NUP210L: variants seen among roughly 807,000 people sequenced by gnomAD.
NUP210L encodes the protein nuclear pore membrane glycoprotein 210-like.
Under a neutral mutation model 208.5 loss-of-function variants are expected in NUP210L, and 74 were observed. That is an observed-to-expected ratio of 0.35 (90% confidence interval 0.29 to 0.43). The LOEUF is 0.43. Ranked by LOEUF, NUP210L falls within the 20% of genes least tolerant of loss-of-function variation. The probability of loss-of-function intolerance (pLI) is 1.00; values close to 1 mark genes in which losing one functional copy is unlikely to be tolerated. For missense variants in NUP210L, 1,843 were observed against 2,289.4 expected, an observed-to-expected ratio of 0.81 and a Z score of 3.98; for synonymous variants, 780 against 816.9, an observed-to-expected ratio of 0.95 and a Z score of 0.77.
intron 27 of NUP210L, among the ~76,000 whole-genome samples, chr1:154,045,516 G>T (rs6670019): frequency 0.23 from 35,715 of 152,002 alleles, 5,178 homozygotes; most frequent in Admixed American, 0.36. Flanking sequence ...GATCACTTTT[G>T]AGAGCTCTTT....
intron 16 of NUP210L, among the ~76,000 whole-genome samples, chr1:154,087,355 G>C (rs1017835139): frequency 1.4e-5 from 2 of 145,114 alleles, no homozygotes; most frequent in Non-Finnish European, 3.0e-5. Flanking sequence ...AACATAATTA[G>C]ACAGTGGAAA....
In NUP210L at chr1:154,086,245, A is replaced by AAAAAC. The variant is rs1162414411; in HGVS notation, c.2361+3171_2361+3175dup. ...AAAAGAAAGAAAGAAAAGAAAAGAA[A>AAAAAC]AAAACAAAACAAAACCAAAACACAA... On this transcript the variant is annotated intron_variant, in intron 16 of 39. Transcript: ENST00000368559. 1.1e-3 allele frequency among the ~76,000 whole-genome samples: 160 copies of AAAAAC among 151,974 alleles called. 1 individual carries two copies. The highest frequency in any genetic ancestry group is 3.7e-3 in the African/African-American group (154 of 41,492).
At chr1:154,148,191 C>T (rs1315358481) in intron 2 of NUP210L, among the ~76,000 whole-genome samples, 2 of 151,358 alleles carry the variant, frequency 1.3e-5, no homozygotes, top group Admixed American at 6.6e-5. Flanking sequence ...CGCTTGAACC[C>T]GGGAGACGGA....
At chr1:154,088,660 T>C (rs1368943940) in intron 16 of NUP210L, among the ~76,000 whole-genome samples, 3 of 152,206 alleles carry the variant, frequency 2.0e-5, no homozygotes, top group Admixed American at 2.0e-4. Flanking sequence ...AAAGGCAGTA[T>C]GGCATAAATA....
intron 27 of NUP210L, among the ~76,000 whole-genome samples, chr1:154,042,465 C>T (rs1195791125): frequency 2.0e-5 from 3 of 149,258 alleles, no homozygotes; most frequent in Admixed American, 6.7e-5. Flanking sequence ...CTTGCTCTGT[C>T]GCCCAGGCTG....
At chr1:154,091,074 A>G (rs551566449) in intron 15 of NUP210L, among the ~76,000 whole-genome samples, 10 of 42,514 alleles carry the variant, frequency 2.4e-4, no homozygotes, top group African/African-American at 6.0e-4. Flanking sequence ...TATTGCTGTT[A>G]TTATTATTAT....
intron 16 of NUP210L, among the ~76,000 whole-genome samples, chr1:154,079,217 G>A (rs1655188117): frequency 6.6e-6 from 1 of 152,038 alleles, no homozygotes. Context: ...TATGACTGCA[G>A]CACTGCACTA....
chr1:154,078,337 G>A (rs1054377792), intron 16 of NUP210L, among the ~76,000 whole-genome samples: 1 of 151,850 alleles, frequency 6.6e-6, no homozygotes, highest in Non-Finnish European at 1.5e-5. Flanking sequence ...GCTCATGCCT[G>A]TAATCCCAAC....
At chr1:154,108,468 T>TCAACAACACATTTTTTTTAA (rs1557982146) in intron 12 of NUP210L, among the ~76,000 whole-genome samples, 6 of 151,846 alleles carry the variant, frequency 4.0e-5, no homozygotes, top group African/African-American at 1.2e-4. Flanking sequence ...GCAACCAGCC[T>TCAACAACACATTTTTTTTAA]AGAGTTTTGA....
At position 154,148,246 on chromosome 1, in the gene NUP210L, G is replaced by A. The variant is rs182903054; in HGVS notation, c.340+4490C>T. ...TGCACCATTGCACTCCAGCCTGGGCGACAGAGCAAGACTCGGTCTCAGAAA... is the reference window on the plus strand; with the variant it reads ...TGCACCATTGCACTCCAGCCTGGGCAACAGAGCAAGACTCGGTCTCAGAAA... On this transcript the variant is annotated intron_variant, in intron 2 of 39. Transcript: ENST00000368559. 9.3e-5 allele frequency among the ~76,000 whole-genome samples: 14 copies of A among 151,152 alleles called. No individual in the cohort carries two copies. The East Asian group carries it at 1.4e-3, about 15-fold the overall frequency.
chr1:154,097,327 A>G (rs1656226193), intron 14 of NUP210L, among the ~76,000 whole-genome samples: 2 of 152,190 alleles, frequency 1.3e-5, no homozygotes, highest in Admixed American at 6.6e-5. Context: ...TCATCAGGCA[A>G]GGGGAAAGAT....
intron 16 of NUP210L, among the ~76,000 whole-genome samples, chr1:154,088,550 G>GT (rs1655742741): frequency 6.6e-6 from 1 of 152,134 alleles, no homozygotes; most frequent in South Asian, 2.1e-4. Flanking sequence ...TAAAAAAATA[G>GT]TAACTCCTTC....
chr1:154,049,835 A>T (rs1653388377), intron 25 of NUP210L, among the ~76,000 whole-genome samples: 1 of 152,202 alleles, frequency 6.6e-6, no homozygotes, highest in African/African-American at 2.4e-5. Context: ...GCTTAGCAAG[A>T]CTGTGAATGG....
chr1:154,069,729 C>T (rs974358390), intron 17 of NUP210L, among the ~76,000 whole-genome samples: 8 of 152,148 alleles, frequency 5.3e-5, no homozygotes, highest in Non-Finnish European at 1.2e-4. Context: ...ATAAATCATG[C>T]TACTATAAAG....
chr1:154,071,783 G>A (rs1284929144), intron 16 of NUP210L, among the ~76,000 whole-genome samples: 16 of 151,610 alleles, frequency 1.1e-4, no homozygotes, highest in Admixed American at 8.6e-4. Flanking sequence ...TTACAGGTAC[G>A]TGCCACTATG....
At chr1:153,996,714 C>A (rs1029295257) in intron 37 of NUP210L, among the ~76,000 whole-genome samples, 1 of 152,096 alleles carries the variant, frequency 6.6e-6, no homozygotes, top group Non-Finnish European at 1.5e-5. Context: ...AGCCGCTGCA[C>A]CCAGCCAAAA....
chr1:154,116,525 T>C (rs1194823539), intron 12 of NUP210L, among the ~76,000 whole-genome samples: 1 of 151,972 alleles, frequency 6.6e-6, no homozygotes, highest in Non-Finnish European at 1.5e-5. Flanking sequence ...GGCCAGGAGT[T>C]TGGGACCAGC....
chr1:154,051,779 G>A (rs1453496747), intron 25 of NUP210L, among the ~76,000 whole-genome samples: 1 of 152,180 alleles, frequency 6.6e-6, no homozygotes, highest in African/African-American at 2.4e-5. Flanking sequence ...TGGGCTACAG[G>A]CCAATCAAGA....
chr1:154,073,123 A>G (rs1654842861), intron 16 of NUP210L, among the ~76,000 whole-genome samples: 1 of 152,248 alleles, frequency 6.6e-6, no homozygotes, highest in Non-Finnish European at 1.5e-5. Flanking sequence ...ATGTGAACAG[A>G]CAATTCTCAA....
Sources: gnomAD v4.1 joint callset for allele counts (sites outside exome capture counted in the v4.1 genomes callset) on GRCh38, gnomAD v4.1.1 for gene constraint, MANE v1.5 for transcripts, NCBI Gene and HGNC (gene_info 2026-07-23, HGNC 2026-07-21) for gene names.